The following MMAB variants were observed in gnomAD, a reference collection of about 807,000 sequenced individuals.
MMAB encodes metabolism of cobalamin associated B, also known as corrinoid adenosyltransferase MMAB.
A neutral mutation model predicts 30.6 loss-of-function variants in MMAB; 17 were observed. The observed-to-expected ratio is 0.56, with a 90% CI of 0.38 to 0.83. The LOEUF (loss-of-function observed/expected upper bound fraction) is 0.83. MMAB is among the 40% of genes least tolerant of loss of function. The pLI is 0.00. For synonymous variants in MMAB, 134 were observed against 138.6 expected (o/e 0.97, Z 0.23); for missense variants, 311 against 331.6 (o/e 0.94, Z 0.48).
Position 109,555,243 on chromosome 12 carries a change from C to G in MMAB, c.*1785G>C. ...CGCTGCAAGCTCTTTGAACATACTC[C>G]CTGACCGAGCCTTAGTGATTGCGTT... On this transcript the variant is annotated 3_prime_UTR_variant, in exon 9 of 9. Transcript: ENST00000545712. The G allele has an allele frequency of 2.2e-6, 1 of 449,258 alleles. No individual in the cohort carries two copies. The highest frequency in any genetic ancestry group is 4.4e-6 in the Non-Finnish European group (1 of 226,234). The allele number at this position is 449,258 out of a possible 1,614,324, so 27.8% of individuals were successfully genotyped here. A position where few individuals can be genotyped will look rare whatever the true frequency, so the allele number is the denominator to read the frequency against.
chr12:109,561,055 C>T lies in MMAB; in HGVS notation c.569G>A (p.Arg190His), dbSNP rs756414548. The T allele has an allele frequency of 1.7e-5, 28 of 1,610,288 alleles. No homozygotes were observed. Among genetic ancestry groups the T allele is most frequent in the Non-Finnish European group, 2.3e-5 (27 of 1,179,882 alleles). Residue 190 changes from arginine (R) to histidine (H), a missense_variant, in exon 7 of 9, where the codon CGC (arginine) becomes CAC (histidine). Physicochemically the swap from Arg to His is conservative, Grantham distance 29. Transcript: ENST00000545712. The surrounding 1 kb of genome is among the most constrained non-coding windows in gnomAD (Gnocchi z 5.3). Reference protein sequence around the residue: ...SALHFCRAVCRRAERRVVPLV... With the variant: ...SALHFCRAVCHRAERRVVPLV... ...GCCCTCTTACCGTCTCTCGGCCCGG[C>T]GGCACACGGCCCGGCAGAAATGCAG...
intron 1 of MMAB, among the ~76,000 whole-genome samples, chr12:109,573,014 T>C (rs1249455980): frequency 6.6e-6 from 1 of 152,212 alleles, no homozygotes; most frequent in Admixed American, 6.5e-5. Flanking sequence ...TCAAGGAATA[T>C]GAGGAAAGCC....
chr12:109,566,977 C>A (rs537485551), intron 3 of MMAB: 1 of 456,124 alleles, frequency 2.2e-6, no homozygotes, highest in Admixed American at 2.3e-5. Flanking sequence ...GGCTGACTAT[C>A]TGTACCTCCC....
rs768064952 is a variant in MMAB at position 109,561,124 on chromosome 12, T to C, written c.520-20A>G. The C allele has an allele frequency of 5.6e-6, 9 of 1,608,108 alleles. No individual in the cohort carries two copies. Among genetic ancestry groups the C allele is most frequent in the Non-Finnish European group, 6.8e-6 (8 of 1,179,904 alleles). The stretch of plus-strand genomic sequence containing the variant: ...TCCCGACTGAAAGGAGAAAGGGACA[T>C]TGCCTGAGCAGGGTGGGAAAGGTGT... On this transcript the variant is annotated intron_variant, in intron 6 of 8. Transcript: ENST00000545712. This position sits in a 1 kb window ranked among gnomAD's most constrained non-coding sequence, Gnocchi z 5.3.
chr12:109,571,842 T>C, intron 1 of MMAB, 132 bp from the exon 2 acceptor site: 1 of 747,994 alleles, frequency 1.3e-6, no homozygotes, highest in Non-Finnish European at 2.4e-6. Flanking sequence ...TAGATGGTCA[T>C]CTCTTGTTGA....
intron 2 of MMAB, 112 bp downstream of exon 2, chr12:109,571,537 C>T: frequency 2.0e-6 from 2 of 981,076 alleles, no homozygotes; most frequent in South Asian, 2.7e-5. Flanking sequence ...CAGGCATGAG[C>T]CACCGCGCCT....
At position 109,555,381 on chromosome 12, in the gene MMAB, C is replaced by A. The variant is rs1396062084; in HGVS notation, c.*1647G>T. ...CACTGCAGCCTCTGCCTCGTAGGTTCAAGTGATTCTCCTGCCTCAGCCTCC... is the reference window on the plus strand; with the variant it reads ...CACTGCAGCCTCTGCCTCGTAGGTTAAAGTGATTCTCCTGCCTCAGCCTCC... On this transcript the variant is annotated 3_prime_UTR_variant, in exon 9 of 9. Coordinates refer to ENST00000545712, the MANE Select transcript of MMAB (RefSeq NM_052845.4). The A allele has an allele frequency of 4.8e-6, 2 of 414,726 alleles. No homozygotes were observed. The highest frequency in any genetic ancestry group is 4.6e-6 in the Non-Finnish European group (1 of 216,802). 25.7% of individuals were successfully genotyped at this position (414,726 alleles called of 1,614,324 possible). A position where few individuals can be genotyped will look rare whatever the true frequency, so the allele number is the denominator to read the frequency against.
At chr12:109,567,758 A>G (rs1465777512) in intron 3 of MMAB, 4 of 152,158 alleles carry the variant, frequency 2.6e-5, no homozygotes, top group African/African-American at 4.8e-5. Context: ...CAGCTTTCTG[A>G]GTAGCTGGGA....
intron 3 of MMAB, 93 bp downstream of exon 3, chr12:109,568,677 G>T: frequency 4.0e-6 from 4 of 1,002,452 alleles, no homozygotes; most frequent in Non-Finnish European, 6.4e-6. Context: ...AACCTCCGAG[G>T]CTGCTGCCCA....
rs34507867 is a variant in MMAB at position 109,555,449 on chromosome 12, AT to A, written c.*1578del. The stretch of plus-strand genomic sequence containing the variant: ...AGGCACCCGCCACCATGCCCAGCTA[AT>A]TTTTTTTTTTTTTTTTTTTTTTTAG... On this transcript the variant is annotated 3_prime_UTR_variant, in exon 9 of 9. Transcript: ENST00000545712. The A allele has an allele frequency of 0.3, 92,470 of 309,980 alleles. 8,214 individuals carry two copies. The highest frequency in any genetic ancestry group is 0.39 in the African/African-American group (12,618 of 32,612). The allele number at this position is 309,980 out of a possible 1,614,324, so 19.2% of individuals were successfully genotyped here.
Position 109,561,805 on chromosome 12 carries a change from G to C in MMAB, c.396C>G (p.Cys132Trp). ...TTAAGTGAGCCTCCCGGGCCGAGGA[G>C]CATGGTGTCGCCAGGGCCGAGCCGA... ...QDVGSALATP[C>W]SSAREAHLKY... Residue 132 changes from cysteine (C) to tryptophan (W), a missense_variant, in exon 5 of 9, where the codon TGC becomes TGG. Transcript: ENST00000545712. The surrounding 1 kb of genome is among the most constrained non-coding windows in gnomAD (Gnocchi z 5.3). The C allele has an allele frequency of 6.2e-7, 1 of 1,610,044 alleles. No individual in the cohort carries two copies. The highest frequency in any genetic ancestry group is 1.1e-5 in the South Asian group (1 of 90,258).
At position 109,556,948 on chromosome 12, in the gene MMAB, C is replaced by G; in HGVS notation, c.*80G>C. 1.1e-6 allele frequency: 1 copy of G among 950,658 alleles called. No individual in the cohort carries two copies. Among genetic ancestry groups the G allele is most frequent in the Non-Finnish European group, 1.7e-6 (1 of 587,058 alleles). The allele number at this position is 950,658 out of a possible 1,614,324, so 58.9% of individuals were successfully genotyped here. On this transcript the variant is annotated 3_prime_UTR_variant, in exon 9 of 9. Coordinates refer to ENST00000545712, the MANE Select transcript of MMAB (RefSeq NM_052845.4). ...CCTCTCTGGGTGAGCTCTTCAGGAA[C>G]CAGGACCCCAGAAGGGCAAGCTCCT...
chr12:109,573,461 C>T lies in MMAB; in HGVS notation c.20G>A (p.Gly7Glu), dbSNP rs1243516923. 1.2e-6 allele frequency: 2 copies of T among 1,606,442 alleles called. No individual in the cohort carries two copies. Among genetic ancestry groups the T allele is most frequent in the South Asian group, 1.1e-5 (1 of 90,542 alleles). ...ACGGCTCCCCAGGCCAAGACGGCTC[C>T]CCAGGCCGCACACAGCCATGAGCCA... Reference protein sequence around the residue: MAVCGLGSRLGLGSRLG... With the variant: MAVCGLESRLGLGSRLG... Residue 7 changes from glycine to glutamate, a missense_variant, in exon 1 of 9, where the codon GGG (glycine) becomes GAG (glutamate). By Grantham distance (98) the Gly-to-Glu change is moderately conservative (BLOSUM62 -2). Transcript: ENST00000545712.
chr12:109,571,604 A>G, intron 2 of MMAB, 45 bp downstream of exon 2: 1 of 1,545,614 alleles, frequency 6.5e-7, no homozygotes, highest in Non-Finnish European at 8.9e-7. Flanking sequence ...AAAATGGTGT[A>G]TGCCATGAGT....
intron 4 of MMAB, 60 bp downstream of exon 4, chr12:109,565,059 A>G: frequency 7.8e-7 from 1 of 1,279,394 alleles, no homozygotes; most frequent in Non-Finnish European, 1.1e-6. Flanking sequence ...CTGGATGCTG[A>G]GTCCCGTGAT....
intron 1 of MMAB, chr12:109,573,107 C>G: frequency 1.7e-6 from 1 of 592,708 alleles, no homozygotes; most frequent in Non-Finnish European, 3.0e-6. Flanking sequence ...GAGAGCCCTC[C>G]TGGCCCACAT....
In MMAB at chr12:109,569,697, G is replaced by C. The variant is rs1029249742; in HGVS notation, c.197-834C>G. On this transcript the variant is annotated intron_variant, in intron 2 of 8. Transcript: ENST00000545712. This position sits in a 1 kb window ranked among gnomAD's most constrained non-coding sequence, Gnocchi z 4.1. ...GCAGGCTTTGGGGTTGCCAGGTGCC[G>C]GCCTGGCACTCACAGGTAGACTGTG... Among the ~76,000 whole-genome samples, 1 of 152,144 alleles carries C rather than the reference G, an allele frequency of 6.6e-6. No individual in the cohort carries two copies. Among genetic ancestry groups the C allele is most frequent in the Non-Finnish European group, 1.5e-5 (1 of 68,038 alleles).
At chr12:109,570,117 G>A (rs72650201) in intron 2 of MMAB, 142 of 327,114 alleles carry the variant, frequency 4.3e-4, no homozygotes, top group Non-Finnish European at 5.9e-4. Flanking sequence ...GAAAAAATTA[G>A]TTGGGCATGG....
intron 7 of MMAB, 91 bp downstream of exon 7, chr12:109,560,949 C>T (rs1222173591): frequency 1.6e-6 from 2 of 1,223,514 alleles, no homozygotes; most frequent in Non-Finnish European, 1.2e-6. Context: ...CTCCCTCTCC[C>T]CATCTCCGTC....
Sources: gnomAD v4.1 joint callset for allele counts (sites outside exome capture counted in the v4.1 genomes callset) on GRCh38, gnomAD v4.1.1 for gene constraint, Gnocchi (gnomAD v3.1) non-coding constraint, MANE v1.5 for transcripts, NCBI Gene and HGNC (gene_info 2026-07-23, HGNC 2026-07-21) for gene names.